Variants in DAPK1 observed in about 807,000 individuals in gnomAD.
The protein encoded by DAPK1 is death-associated protein kinase 1.
Under a neutral mutation model 144.9 loss-of-function variants are expected in DAPK1, and 56 were observed. The observed-to-expected ratio is 0.39, with a 90% CI of 0.31 to 0.48. DAPK1 has a LOEUF of 0.48. Ranked by LOEUF, DAPK1 falls within the 20% of genes least tolerant of loss-of-function variation. The probability of loss-of-function intolerance (pLI) is 0.95; values close to 1 mark genes in which losing one functional copy is unlikely to be tolerated. For missense variants in DAPK1, 1,454 were observed against 1,875.4 expected, an observed-to-expected ratio of 0.78 and a Z score of 4.15; for synonymous variants, 690 against 749.0, an observed-to-expected ratio of 0.92 and a Z score of 1.29.
intron 2 of DAPK1, among the ~76,000 whole-genome samples, chr9:87,517,753 C>G (rs989900325): frequency 1.3e-5 from 2 of 152,200 alleles, no homozygotes; most frequent in South Asian, 4.1e-4. Context: ...CCAGATCACT[C>G]TCTGCTAGCT....
rs78497580 is a variant in DAPK1 at position 87,585,659 on chromosome 9, A to G, written c.63-19295A>G. On this transcript the variant is annotated intron_variant, in intron 2 of 25. Transcript: ENST00000408954. ...GGTTCATCTGAGTGACTTCACAACTATCTCTTCTGGTTCCCTTCTATAAAT... is the reference window on the plus strand; with the variant it reads ...GGTTCATCTGAGTGACTTCACAACTGTCTCTTCTGGTTCCCTTCTATAAAT... 2.6e-5 allele frequency among the ~76,000 whole-genome samples: 4 copies of G among 152,340 alleles called. No individual in the cohort carries two copies. The East Asian group carries it at 5.8e-4, about 22-fold the overall frequency.
At chr9:87,570,058 C>G (rs909718081) in intron 2 of DAPK1, among the ~76,000 whole-genome samples, 1 of 152,006 alleles carries the variant, frequency 6.6e-6, no homozygotes, top group Non-Finnish European at 1.5e-5. Context: ...GCATCAGATT[C>G]TTTTACACCT....
rs74404905 is a variant in DAPK1, at chr9:87,604,391, G to A, written c.63-563G>A. Among the ~76,000 whole-genome samples, 310 of 152,272 alleles carry A rather than the reference G, an allele frequency of 2.0e-3. 3 individuals are homozygous for A. The highest frequency in any genetic ancestry group is 7.3e-3 in the African/African-American group (302 of 41,546). On this transcript the variant is annotated intron_variant, in intron 2 of 25. Transcript: ENST00000408954. ...AAATACCTTGAGACGGGAGGAGAGG[G>A]GAGATAATGCTGGAGAAGTGACCAA... is the stretch of plus-strand genomic sequence containing the variant.
intron 2 of DAPK1, among the ~76,000 whole-genome samples, chr9:87,593,339 G>A (rs1828205673): frequency 6.6e-6 from 1 of 152,184 alleles, no homozygotes; most frequent in African/African-American, 2.4e-5. Context: ...CATGACAGAG[G>A]GTCCCAAACC....
intron 19 of DAPK1, among the ~76,000 whole-genome samples, chr9:87,669,487 T>G (rs1210787363): frequency 6.6e-6 from 1 of 152,252 alleles, no homozygotes; most frequent in Non-Finnish European, 1.5e-5. Context: ...TCTTTAAACA[T>G]TAGTGTATTT....
chr9:87,508,138 A>T (rs1824679745), intron 2 of DAPK1, among the ~76,000 whole-genome samples: 1 of 151,644 alleles, frequency 6.6e-6, no homozygotes, highest in Non-Finnish European at 1.5e-5. Flanking sequence ...CAGCCTCCTG[A>T]GTAGCTGGGA....
At chr9:87,565,107 G>C (rs1235557606) in intron 2 of DAPK1, among the ~76,000 whole-genome samples, 3 of 152,158 alleles carry the variant, frequency 2.0e-5, no homozygotes, top group African/African-American at 4.8e-5. Context: ...TTTTCACACA[G>C]AAGCTCAAAG....
At chr9:87,694,302 C>G (rs1360737370) in intron 21 of DAPK1, among the ~76,000 whole-genome samples, 1 of 152,152 alleles carries the variant, frequency 6.6e-6, no homozygotes, top group African/African-American at 2.4e-5. Context: ...TGGGCGTGAC[C>G]TCAGGCCACT....
intron 3 of DAPK1, chr9:87,632,434 A>T: frequency 1.0e-6 from 1 of 983,418 alleles, no homozygotes; most frequent in Non-Finnish European, 1.2e-6. Flanking sequence ...ATAAGTGTGT[A>T]TGTAAGGATG....
chr9:87,575,335 G>A (rs1827517682), intron 2 of DAPK1, among the ~76,000 whole-genome samples: 1 of 152,014 alleles, frequency 6.6e-6, no homozygotes, highest in African/African-American at 2.4e-5. Context: ...AGCTTGCTGG[G>A]GATGTGCACG....
intron 2 of DAPK1, among the ~76,000 whole-genome samples, chr9:87,562,178 G>A (rs914792343): frequency 6.6e-6 from 1 of 152,210 alleles, no homozygotes; most frequent in Non-Finnish European, 1.5e-5. Flanking sequence ...CCTTCTTGGG[G>A]TTCAGGTGAT....
At chr9:87,543,141 A>G (rs1274941908) in intron 2 of DAPK1, among the ~76,000 whole-genome samples, 1 of 152,266 alleles carries the variant, frequency 6.6e-6, no homozygotes, top group Non-Finnish European at 1.5e-5. Context: ...TAAAAATGCT[A>G]CTTAAAGTTT....
rs185971175 is a variant in DAPK1 at position 87,504,006 on chromosome 9, C to T, written c.62+4867C>T. Among the ~76,000 whole-genome samples the T allele has an allele frequency of 3.1e-4, 47 of 152,246 alleles. 2 individuals carry two copies. Among genetic ancestry groups the T allele is most frequent in the African/African-American group, 1.0e-3 (43 of 41,542 alleles). On this transcript the variant is annotated intron_variant, in intron 2 of 25. Coordinates refer to ENST00000408954, the MANE Select transcript of DAPK1 (RefSeq NM_004938.4). ...TGGCAGTCCAAGTGCTTCTCTAGAC[C>T]GGTTTACTGTGGATTGCAGGAGTCA...
chr9:87,560,955 C>T (rs925955436), intron 2 of DAPK1, among the ~76,000 whole-genome samples: 5 of 152,068 alleles, frequency 3.3e-5, no homozygotes, highest in South Asian at 2.1e-4. Context: ...TGTGAGCCAC[C>T]GCGCCTGGCT....
intron 19 of DAPK1, among the ~76,000 whole-genome samples, chr9:87,672,367 A>G (rs1423226291): frequency 1.3e-5 from 2 of 152,204 alleles, no homozygotes; most frequent in Non-Finnish European, 2.9e-5. Context: ...TGAGCAACAT[A>G]CTAATCAGTG....
intron 19 of DAPK1, among the ~76,000 whole-genome samples, chr9:87,674,514 CAAAAAA>C (rs35817698): frequency 1.1e-3 from 73 of 67,624 alleles, no homozygotes; most frequent in South Asian, 3.4e-3. Context: ...GACTCTGTCT[CAAAAAA>C]AAAAAAAAAA....
At chr9:87,593,615 G>A (rs577816147) in intron 2 of DAPK1, among the ~76,000 whole-genome samples, 4 of 152,234 alleles carry the variant, frequency 2.6e-5, no homozygotes, top group East Asian at 1.9e-4. Flanking sequence ...GTTCTTCCCC[G>A]TATTGAATCT....
intron 2 of DAPK1, among the ~76,000 whole-genome samples, chr9:87,528,764 C>T (rs76219582): frequency 2.0e-5 from 3 of 150,384 alleles, no homozygotes; most frequent in African/African-American, 4.9e-5. Flanking sequence ...CCCAGCTACT[C>T]GGGAGGCTGA....
intron 14 of DAPK1, 147 bp downstream of exon 14, chr9:87,647,550 T>A (rs1368760379): frequency 1.4e-6 from 1 of 709,286 alleles, no homozygotes; most frequent in African/African-American, 1.8e-5. Context: ...TGGAAATGTC[T>A]TGTTGCCTGT....
Sources: gnomAD v4.1 joint callset for allele counts (sites outside exome capture counted in the v4.1 genomes callset) on GRCh38, gnomAD v4.1.1 for gene constraint, MANE v1.5 for transcripts, NCBI Gene and HGNC (gene_info 2026-07-23, HGNC 2026-07-21) for gene names.